The following CENPN variants were observed in gnomAD, a reference collection of about 807,000 sequenced individuals.
The protein encoded by CENPN is interphase centromere complex protein 32.
A neutral mutation model predicts 48.6 loss-of-function variants in CENPN; 36 were observed. The observed-to-expected ratio is 0.74, with a 90% CI of 0.57 to 0.98. The LOEUF (loss-of-function observed/expected upper bound fraction) is 0.98. Ranked by LOEUF, CENPN falls within the 50% of genes least tolerant of loss-of-function variation. CENPN has a pLI of 0.00. For synonymous variants in CENPN, 166 were observed against 135.2 expected (o/e 1.23, Z -1.58); for missense variants, 439 against 399.2 (o/e 1.10, Z -0.85).
At chr16:81,015,297 G>C (rs1304582323) in intron 3 of CENPN, among the ~76,000 whole-genome samples, 1 of 152,170 alleles carries the variant, frequency 6.6e-6, no homozygotes, top group Non-Finnish European at 1.5e-5. Context: ...CCTGGGGCCA[G>C]ACCTCTTGGG....
chr16:81,007,374 G>A (rs1409571178), intron 1 of CENPN, 97 bp downstream of exon 1: 2 of 152,432 alleles, frequency 1.3e-5, no homozygotes, highest in Non-Finnish European at 2.9e-5. Flanking sequence ...TTTCGCAATT[G>A]TCGCACGTTG....
chr16:81,008,619 C>T (rs1969595605), intron 1 of CENPN, among the ~76,000 whole-genome samples: 1 of 152,074 alleles, frequency 6.6e-6, no homozygotes, highest in Non-Finnish European at 1.5e-5. Context: ...TGATACACCA[C>T]GCCCGGCGCG....
chr16:81,022,315 G>A (rs1970253436), intron 6 of CENPN: 1 of 356,250 alleles, frequency 2.8e-6, no homozygotes, highest in Admixed American at 4.5e-5. Context: ...AGTATTTATT[G>A]TTTATTCCAA....
intron 3 of CENPN, 199 bp downstream of exon 3, chr16:81,014,380 G>A (rs1207598245): frequency 1.8e-6 from 1 of 558,336 alleles, no homozygotes; most frequent in African/African-American, 1.9e-5. Context: ...GACTATAGCA[G>A]TGCACCACCA....
At chr16:81,022,874 A>G in intron 7 of CENPN, 176 bp downstream of exon 7, 1 of 1,609,934 alleles carries the variant, frequency 6.2e-7, no homozygotes, top group Non-Finnish European at 8.5e-7. Context: ...CCTCACAGTC[A>G]TCTTTTTATA....
rs533791855 is a variant in CENPN at position 81,030,894 on chromosome 16, C to G, written c.*2243C>G. ...GTGAACCCCGACTCTACTAAAAATA[C>G]AAAAATTAGCTGGGCCTGGTGGTGT... is the stretch of plus-strand genomic sequence containing the variant. On this transcript the variant is annotated 3_prime_UTR_variant, in exon 11 of 11. Transcript: ENST00000305850. The G allele has an allele frequency of 2.0e-4, 31 of 151,406 alleles. No individual in the cohort carries two copies. The highest frequency in any genetic ancestry group is 7.0e-4 in the African/African-American group (29 of 41,216). The allele number at this position is 151,406 out of a possible 1,614,324, so 9.4% of individuals were successfully genotyped here.
intron 3 of CENPN, among the ~76,000 whole-genome samples, chr16:81,016,210 A>G (rs1347882904): frequency 6.6e-6 from 1 of 152,158 alleles, no homozygotes; most frequent in African/African-American, 2.4e-5. Flanking sequence ...TCATTCGTTC[A>G]TCAAACATAT....
At chr16:81,020,933 T>C (rs1043966904) in intron 6 of CENPN, among the ~76,000 whole-genome samples, 2 of 151,696 alleles carry the variant, frequency 1.3e-5, no homozygotes, top group Non-Finnish European at 2.9e-5. Context: ...CTACTAAAAA[T>C]ACAAAAAAAT....
intron 3 of CENPN, among the ~76,000 whole-genome samples, chr16:81,015,676 C>CTCATACATTTCTCAT (rs1234383713): frequency 6.6e-6 from 1 of 152,214 alleles, no homozygotes; most frequent in Non-Finnish European, 1.5e-5. Context: ...GGTGGATCCA[C>CTCATACATTTCTCAT]ACCATTCCCA....
rs1969857291 is a variant in CENPN at position 81,014,423 on chromosome 16, A to G, written c.217+242A>G. On this transcript the variant is annotated intron_variant, in intron 3 of 10. Transcript: ENST00000305850. ...CTAATTTTTTGTATTTTTTGCCACA[A>G]GGTTTTGCCGTGTTGCCCAGGCTGG... The G allele has an allele frequency of 6.5e-6, 3 of 464,168 alleles. No individual in the cohort carries two copies. In the East Asian group the frequency reaches 1.1e-4, roughly 17 times the overall value. 28.8% of individuals were successfully genotyped at this position (464,168 alleles called of 1,614,324 possible). A position where few individuals can be genotyped will look rare whatever the true frequency, so the allele number is the denominator to read the frequency against.
downstream of CENPN, among the ~76,000 whole-genome samples, chr16:81,031,754 C>T (rs1392157949): frequency 6.6e-6 from 1 of 152,176 alleles, no homozygotes; most frequent in Non-Finnish European, 1.5e-5. Context: ...AGGCACGTGC[C>T]ACCATGCCCA....
intron 6 of CENPN, among the ~76,000 whole-genome samples, chr16:81,021,952 T>C (rs904382428): frequency 6.6e-6 from 1 of 151,994 alleles, no homozygotes; most frequent in Non-Finnish European, 1.5e-5. Flanking sequence ...GGAGGTGGGG[T>C]TTCACCATGT....
At chr16:81,014,269 C>A in intron 3 of CENPN, 88 bp downstream of exon 3, 1 of 1,128,356 alleles carries the variant, frequency 8.9e-7, no homozygotes, top group Non-Finnish European at 1.3e-6. Flanking sequence ...GGGTCTCCCT[C>A]TGTCGCCCAG....
chr16:81,019,786 T>A (rs931525247), intron 5 of CENPN, among the ~76,000 whole-genome samples: 1 of 151,526 alleles, frequency 6.6e-6, no homozygotes, highest in Admixed American at 6.6e-5. Flanking sequence ...TGAGATGGGA[T>A]TGCTTGAGCC....
chr16:81,018,243 C>G (rs1201361057), intron 5 of CENPN, among the ~76,000 whole-genome samples: 1 of 151,634 alleles, frequency 6.6e-6, no homozygotes, highest in Non-Finnish European at 1.5e-5. Flanking sequence ...GTGGCGAGAT[C>G]TCGGCTCACT....
intron 1 of CENPN, among the ~76,000 whole-genome samples, chr16:81,007,904 C>T (rs1370007148): frequency 3.3e-5 from 5 of 152,032 alleles, no homozygotes; most frequent in Admixed American, 6.5e-5. Context: ...GTCAGGAGTT[C>T]GAGACCAGCC....
At chr16:81,012,443 C>T (rs1177864421) in intron 2 of CENPN, among the ~76,000 whole-genome samples, 1 of 152,092 alleles carries the variant, frequency 6.6e-6, no homozygotes. Context: ...TATTGGCAAA[C>T]TTGTAAGGAA....
At chr16:81,020,386 A>G (rs571844414) in intron 6 of CENPN, 110 bp downstream of exon 6, 2 of 1,113,136 alleles carry the variant, frequency 1.8e-6, no homozygotes, top group East Asian at 2.8e-5. Flanking sequence ...GGCCAGGTGC[A>G]GTGGCATGTA....
At chr16:81,023,101 G>T in intron 7 of CENPN, 1 of 385,678 alleles carries the variant, frequency 2.6e-6, no homozygotes. Context: ...GAATTAAAGG[G>T]AAAAGCAGTG....
Sources: gnomAD v4.1 joint callset for allele counts (sites outside exome capture counted in the v4.1 genomes callset) on GRCh38, gnomAD v4.1.1 for gene constraint, MANE v1.5 for transcripts, NCBI Gene and HGNC (gene_info 2026-07-23, HGNC 2026-07-21) for gene names.